Variants in SYT16 observed in about 807,000 individuals in gnomAD.
SYT16 encodes synaptotagmin 16.
Under a neutral mutation model 61.4 loss-of-function variants are expected in SYT16, and 42 were observed. The ratio of observed to expected loss-of-function variants is 0.68; its 90% CI spans 0.53 to 0.89. The LOEUF is 0.89. Among genes scored for constraint, SYT16 ranks in the 40% least tolerant of loss-of-function variants. The pLI is 0.00. For synonymous variants in SYT16, 314 were observed against 302.3 expected (o/e 1.04, Z -0.40); for missense variants, 804 against 807.3 (o/e 1.00, Z 0.05).
chr14:62,084,427 G>A (rs779825078), intron 7 of SYT16, 42 bp downstream of exon 7: 3 of 1,571,354 alleles, frequency 1.9e-6, no homozygotes, highest in Non-Finnish European at 2.6e-6. Flanking sequence ...TCTTCCAGAG[G>A]CAAGTGGAAA....
rs141036374 is a variant in SYT16, at chr14:61,857,597, A to G, written c.-325+44787A>G. Among the ~76,000 whole-genome samples the G allele has an allele frequency of 2.9e-3, 435 of 152,258 alleles. 1 individual carries two copies. Among genetic ancestry groups the G allele is most frequent in the African/African-American group, 0.01 (416 of 41,560 alleles). On this transcript the variant is annotated intron_variant, in intron 1 of 7. Transcript: ENST00000683842. Reference sequence around the variant, plus strand: ...CTGGAAAGAGCATATAGACAGTACTAAAGGAGAGTGCAGTCAAGAGGCTGG... The same window carrying G: ...CTGGAAAGAGCATATAGACAGTACTGAAGGAGAGTGCAGTCAAGAGGCTGG...
upstream of SYT16, chr14:61,812,290 C>T (rs1005730278): frequency 3.9e-5 from 6 of 152,402 alleles, no homozygotes; most frequent in African/African-American, 1.4e-4. Flanking sequence ...TTGCTCCTTC[C>T]AGCTGGGGCT....
At chr14:62,082,930 T>A (rs1280955805) in intron 6 of SYT16, among the ~76,000 whole-genome samples, 2 of 152,206 alleles carry the variant, frequency 1.3e-5, no homozygotes, top group African/African-American at 4.8e-5. Context: ...ACTGAGAGAT[T>A]TATACGGATT....
intron 7 of SYT16, among the ~76,000 whole-genome samples, chr14:62,099,700 A>AG (rs2057368950): frequency 1.3e-5 from 2 of 152,154 alleles, no homozygotes; most frequent in South Asian, 4.1e-4. Flanking sequence ...CAACATAGGG[A>AG]GACCCTATTT....
intron 1 of SYT16, among the ~76,000 whole-genome samples, chr14:61,912,161 T>G (rs1041371681): frequency 6.6e-6 from 1 of 152,220 alleles, no homozygotes; most frequent in South Asian, 2.1e-4. Flanking sequence ...CTGCTCTGGG[T>G]ACATGTCCCA....
chr14:61,862,534 A>G (rs1035006148), intron 1 of SYT16, among the ~76,000 whole-genome samples: 2 of 152,106 alleles, frequency 1.3e-5, no homozygotes, highest in African/African-American at 4.8e-5. Context: ...TTTCCCACCC[A>G]TGCCCTGCCC....
chr14:62,049,415 G>A (rs571087034), intron 3 of SYT16, among the ~76,000 whole-genome samples: 7 of 152,230 alleles, frequency 4.6e-5, no homozygotes, highest in South Asian at 4.1e-4. Context: ...ATTGATGGGT[G>A]TTGACTCTTT....
intron 1 of SYT16, among the ~76,000 whole-genome samples, chr14:61,868,892 A>G (rs74057558): frequency 0.024 from 3,723 of 152,162 alleles, 157 homozygotes; most frequent in African/African-American, 0.08. Flanking sequence ...AAAATATCCA[A>G]CAATGCTTAT....
intron 7 of SYT16, among the ~76,000 whole-genome samples, chr14:62,090,596 A>G (rs542129475): frequency 7.9e-5 from 12 of 152,342 alleles, no homozygotes; most frequent in Non-Finnish European, 1.6e-4. Flanking sequence ...GCCATTTCAT[A>G]TGAAAATTTA....
intron 3 of SYT16, among the ~76,000 whole-genome samples, chr14:62,055,417 G>A (rs147994664): frequency 6.6e-4 from 100 of 152,290 alleles, no homozygotes; most frequent in African/African-American, 2.3e-3. Flanking sequence ...AGAAAACATC[G>A]TTACTTGAGA....
chr14:61,861,762 C>G (rs1350999368), intron 1 of SYT16, among the ~76,000 whole-genome samples: 1 of 152,064 alleles, frequency 6.6e-6, no homozygotes, highest in Admixed American at 6.5e-5. Context: ...TCAGTTCCAG[C>G]CTATTGCAAT....
chr14:61,834,909 A>G (rs1468781616), intron 1 of SYT16, among the ~76,000 whole-genome samples: 1 of 152,272 alleles, frequency 6.6e-6, no homozygotes, highest in African/African-American at 2.4e-5. Context: ...GATGGTATAT[A>G]GCATAGCATT....
intron 1 of SYT16, among the ~76,000 whole-genome samples, chr14:61,916,557 C>A (rs1351108772): frequency 2.0e-5 from 3 of 152,058 alleles, no homozygotes; most frequent in African/African-American, 7.2e-5. Flanking sequence ...AGATATCTAT[C>A]ACCTCAAACA....
intron 3 of SYT16, among the ~76,000 whole-genome samples, chr14:62,014,081 C>A (rs1323984824): frequency 6.6e-6 from 1 of 152,154 alleles, no homozygotes; most frequent in Non-Finnish European, 1.5e-5. Context: ...TTTTCATTCA[C>A]CTTCCTTTGC....
chr14:61,883,649 G>A (rs1042798197), intron 1 of SYT16, among the ~76,000 whole-genome samples: 2 of 152,116 alleles, frequency 1.3e-5, no homozygotes, highest in African/African-American at 2.4e-5. Context: ...CTGTTATCCA[G>A]TTCCAAATTT....
chr14:62,053,913 A>G (rs2140897519), intron 3 of SYT16, among the ~76,000 whole-genome samples: 1 of 152,294 alleles, frequency 6.6e-6, no homozygotes. Context: ...ACCCCATGAA[A>G]CTTTAATGGA....
intron 1 of SYT16, among the ~76,000 whole-genome samples, chr14:61,929,550 C>G (rs73260222): frequency 1.1e-4 from 17 of 152,146 alleles, no homozygotes; most frequent in African/African-American, 4.1e-4. Flanking sequence ...TTGGGCAAAA[C>G]CAAAATTGAT....
At chr14:61,891,965 T>A (rs1441443381) in intron 1 of SYT16, among the ~76,000 whole-genome samples, 1 of 152,234 alleles carries the variant, frequency 6.6e-6, no homozygotes, top group Non-Finnish European at 1.5e-5. Flanking sequence ...ATTAAAATGA[T>A]AAATGCAAAA....
intron 2 of SYT16, among the ~76,000 whole-genome samples, chr14:61,987,494 A>C (rs2052363884): frequency 1.3e-5 from 2 of 152,200 alleles, no homozygotes; most frequent in South Asian, 4.1e-4. Flanking sequence ...TCAGTTAGGA[A>C]ATAATGGTGA....
Sources: gnomAD v4.1 joint callset for allele counts (sites outside exome capture counted in the v4.1 genomes callset) on GRCh38, gnomAD v4.1.1 for gene constraint, MANE v1.5 for transcripts, NCBI Gene and HGNC (gene_info 2026-07-23, HGNC 2026-07-21) for gene names.